Variants in TREM1 observed in about 807,000 individuals in gnomAD.
The protein encoded by TREM1 is triggering receptor expressed on monocytes 1.
Under a neutral mutation model 22.4 loss-of-function variants are expected in TREM1, and 16 were observed. The observed-to-expected ratio is 0.71, with a 90% confidence interval of 0.48 to 1.08. TREM1 has a LOEUF of 1.08. Ranked by LOEUF, TREM1 falls within the 50% of genes least tolerant of loss-of-function variation. The pLI, the probability that TREM1 is intolerant of heterozygous loss-of-function variation, is 0.00. For missense variants in TREM1, 283 were observed against 282.9 expected (o/e 1.00, Z 0.00); for synonymous variants, 110 against 111.6 (o/e 0.99, Z 0.09).
chr6:41,273,725 A>G lies in TREM1; in HGVS notation c.*2400T>C, dbSNP rs1048481883. ...GGGTCATTCCCACTGCTGGGCCTAC[A>G]GAGGAGAGGATGGAACAGGTGGCTG... On this transcript the variant is annotated 3_prime_UTR_variant, in exon 4 of 4. Coordinates refer to ENST00000244709, the MANE Select transcript of TREM1 (RefSeq NM_018643.5). Among the ~76,000 whole-genome samples the G allele has an allele frequency of 6.6e-6, 1 of 152,242 alleles. No homozygotes were observed. The highest frequency in any genetic ancestry group is 2.4e-5 in the African/African-American group (1 of 41,470).
chr6:41,275,839 T>C lies in TREM1; in HGVS notation c.*286A>G, dbSNP rs527804479. 4.3e-4 allele frequency: 197 copies of C among 458,374 alleles called. No individual in the cohort carries two copies. Among genetic ancestry groups the C allele is most frequent in the Non-Finnish European group, 7.2e-4 (180 of 249,086 alleles). The allele number at this position is 458,374 out of a possible 1,614,324, so 28.4% of individuals were successfully genotyped here. ...CACAAGAGAATTACGGTGAAAAGCA[T>C]TGAGCTGTCTGTATTTCATGCCAAC... On this transcript the variant is annotated 3_prime_UTR_variant, in exon 4 of 4. Transcript: ENST00000244709.
intron 3 of TREM1, among the ~76,000 whole-genome samples, chr6:41,277,992 G>A (rs1204514263): frequency 1.4e-5 from 2 of 146,234 alleles, no homozygotes; most frequent in Non-Finnish European, 3.0e-5. Flanking sequence ...CTTGATCACA[G>A]CTCACTGAAG....
chr6:41,276,328 C>A, intron 3 of TREM1, 98 bp from the exon 4 acceptor site: 1 of 838,086 alleles, frequency 1.2e-6, no homozygotes, highest in South Asian at 1.5e-5. Flanking sequence ...CTCTCCTCTG[C>A]TTAGATCCTT....
chr6:41,281,200 A>G, intron 2 of TREM1, 47 bp from the exon 3 acceptor site: 2 of 1,583,462 alleles, frequency 1.3e-6, no homozygotes, highest in Non-Finnish European at 1.7e-6. Context: ...TGGATGATGA[A>G]TGGGTGGATG....
intron 3 of TREM1, chr6:41,279,567 G>A: frequency 1.0e-6 from 1 of 985,360 alleles, no homozygotes; most frequent in African/African-American, 1.7e-5. Flanking sequence ...TTCCACAGAA[G>A]TTTAATGAGC....
At chr6:41,282,197 C>A in intron 2 of TREM1, 198 bp downstream of exon 2, 1 of 543,466 alleles carries the variant, frequency 1.8e-6, no homozygotes, top group South Asian at 2.8e-5. Flanking sequence ...CCACAGCACC[C>A]AAAATTAGGC....
chr6:41,276,269 G>A, intron 3 of TREM1, 39 bp from the exon 4 acceptor site: 11 of 1,492,120 alleles, frequency 7.4e-6, no homozygotes, highest in Non-Finnish European at 1.0e-5. Context: ...TGCTGGCAAA[G>A]TCTCTCCCAC....
Position 41,275,777 on chromosome 6 carries a change from AG to A in TREM1, c.*347del. 3.2e-6 allele frequency: 1 copy of A among 312,994 alleles called. No individual in the cohort carries two copies. The highest frequency in any genetic ancestry group is 6.2e-6 in the Non-Finnish European group (1 of 161,438). The allele number at this position is 312,994 out of a possible 1,614,324, so 19.4% of individuals were successfully genotyped here. A position where few individuals can be genotyped will look rare whatever the true frequency, so the allele number is the denominator to read the frequency against. Reference sequence around the variant, plus strand: ...ATGGTCCAGGGCAAAACTGAGCAGGAGAAGTATCAGGTGTGCCTTCTGCATG... The same window carrying A: ...ATGGTCCAGGGCAAAACTGAGCAGGAAAGTATCAGGTGTGCCTTCTGCATG... On this transcript the variant is annotated 3_prime_UTR_variant, in exon 4 of 4. Transcript: ENST00000244709.
chr6:41,277,300 T>C (rs539260284), intron 3 of TREM1, among the ~76,000 whole-genome samples: 13 of 149,022 alleles, frequency 8.7e-5, no homozygotes, highest in East Asian at 4.1e-4. Context: ...CACAGGGGAC[T>C]ACATTCCCAA....
At chr6:41,285,377 A>T (rs944519216) in intron 1 of TREM1, among the ~76,000 whole-genome samples, 26 of 152,202 alleles carry the variant, frequency 1.7e-4, no homozygotes, top group African/African-American at 5.5e-4. Context: ...TGACACCATT[A>T]TTCTCCCCAT....
At chr6:41,268,961 T>C (rs1463864652), downstream of TREM1, among the ~76,000 whole-genome samples, 2 of 152,152 alleles carry the variant, frequency 1.3e-5, no homozygotes, top group Admixed American at 6.5e-5. Flanking sequence ...ATTCCAACCA[T>C]CCTGCCCATG....
chr6:41,286,602 C>G lies in TREM1; in HGVS notation c.49+5G>C. The G allele has an allele frequency of 1.2e-6, 2 of 1,614,034 alleles. No homozygotes were observed. Among genetic ancestry groups the G allele is most frequent in the Non-Finnish European group, 8.5e-7 (1 of 1,179,974 alleles). On this transcript the variant is annotated splice_donor_5th_base_variant and intron_variant, in intron 1 of 3. Coordinates refer to ENST00000244709, the MANE Select transcript of TREM1 (RefSeq NM_018643.5). ...TCCCCTGCTCAGTCCTCTTCCTTGTCTTACCTGAGACAAAGAGCATCCACA... is the reference window on the plus strand; with the variant it reads ...TCCCCTGCTCAGTCCTCTTCCTTGTGTTACCTGAGACAAAGAGCATCCACA...
At chr6:41,280,904 C>T (rs751797823) in intron 3 of TREM1, 57 bp downstream of exon 3, 30 of 1,612,880 alleles carry the variant, frequency 1.9e-5, no homozygotes, top group Non-Finnish European at 2.5e-5. Context: ...AGCACACAGA[C>T]TGGGAAACAA....
rs1404989996 is a variant in TREM1, at chr6:41,280,478, T to C, written c.599+483A>G. 5 of 1,013,678 alleles carry C rather than the reference T, an allele frequency of 4.9e-6. No individual in the cohort carries two copies. In the East Asian group the frequency reaches 3.8e-4, roughly 77 times the overall value. The allele number at this position is 1,013,678 out of a possible 1,614,324, so 62.8% of individuals were successfully genotyped here. A position where few individuals can be genotyped will look rare whatever the true frequency, so the allele number is the denominator to read the frequency against. ...TGCATTTAGCCCCAGCTCCAGCTCC[T>C]GCTGAGAGTTATTAGGTGGACAATG... On this transcript the variant is annotated intron_variant, in intron 3 of 3. Coordinates refer to ENST00000244709, the MANE Select transcript of TREM1 (RefSeq NM_018643.5).
downstream of TREM1, among the ~76,000 whole-genome samples, chr6:41,273,472 A>T (rs1767546046): frequency 6.6e-6 from 1 of 152,260 alleles, no homozygotes; most frequent in Non-Finnish European, 1.5e-5. Context: ...TGAGTCACCC[A>T]GGATCAGACA....
chr6:41,270,929 C>T (rs1283686872), downstream of TREM1, among the ~76,000 whole-genome samples: 1 of 152,178 alleles, frequency 6.6e-6, no homozygotes, highest in Non-Finnish European at 1.5e-5. Flanking sequence ...TGGTCTCGAA[C>T]TCCTGGGCTC....
chr6:41,275,210 GCCT>G lies in TREM1; in HGVS notation c.*912_*914del, dbSNP rs1384489117. On this transcript the variant is annotated 3_prime_UTR_variant, in exon 4 of 4. Coordinates refer to ENST00000244709, the MANE Select transcript of TREM1 (RefSeq NM_018643.5). Reference sequence around the variant, plus strand: ...AAGCACATGGGGACAGCCTCCAGAAGCCTCCCAGGGGGAGAGCTTTTACTCCAC... The same window carrying G: ...AAGCACATGGGGACAGCCTCCAGAAGCCCAGGGGGAGAGCTTTTACTCCAC... 1 of 152,118 alleles carries G rather than the reference GCCT, an allele frequency of 6.6e-6. No homozygotes were observed. Among genetic ancestry groups the G allele is most frequent in the African/African-American group, 2.4e-5 (1 of 41,386 alleles). The allele number at this position is 152,118 out of a possible 1,614,324, so 9.4% of individuals were successfully genotyped here.
downstream of TREM1, among the ~76,000 whole-genome samples, chr6:41,271,331 A>G (rs1455707075): frequency 6.6e-6 from 1 of 152,154 alleles, no homozygotes; most frequent in Non-Finnish European, 1.5e-5. Flanking sequence ...TTCCATTTAC[A>G]GTGAGGAAAC....
At chr6:41,277,907 C>CTTA (rs1767734892) in intron 3 of TREM1, among the ~76,000 whole-genome samples, 1 of 111,348 alleles carries the variant, frequency 9.0e-6, no homozygotes, top group South Asian at 3.0e-4. Context: ...TTCTTTTTGT[C>CTTA]TTTTTTTTTT....
Sources: allele counts gnomAD v4.1 joint callset (sites outside exome capture counted in the v4.1 genomes callset), GRCh38; gene constraint gnomAD v4.1.1; transcripts MANE v1.5; gene names NCBI Gene and HGNC (gene_info 2026-07-23, HGNC 2026-07-21).